Variants in CKAP5 observed in about 807,000 individuals in gnomAD.
CKAP5 encodes the protein cytoskeleton associated protein 5, also known as cytoskeleton-associated protein 5.
A neutral mutation model predicts 232.8 loss-of-function variants in CKAP5; 27 were observed. That is an observed-to-expected ratio of 0.12 (90% CI 0.09 to 0.16). The LOEUF is 0.16. Among genes scored for constraint, CKAP5 ranks in the 10% least tolerant of loss-of-function variants. CKAP5 has a pLI of 1.00. For synonymous variants in CKAP5, 785 were observed against 841.1 expected (o/e 0.93, Z 1.16); for missense variants, 1,838 against 2,424.7 (o/e 0.76, Z 5.08).
chr11:46,845,897 T>C (rs886919292), intron 1 of CKAP5, among the ~76,000 whole-genome samples: 1 of 151,992 alleles, frequency 6.6e-6, no homozygotes, highest in Non-Finnish European at 1.5e-5. Context: ...CGCCCTAGTC[T>C]TGGTAAATCG....
In CKAP5 at chr11:46,751,149, T is replaced by A; in HGVS notation, c.5429A>T (p.Asp1810Val). 6.2e-7 allele frequency: 1 copy of A among 1,614,180 alleles called. No homozygotes were observed. The highest frequency in any genetic ancestry group is 8.5e-7 in the Non-Finnish European group (1 of 1,180,016). The change falls in exon 40 of 44, where the codon GAT becomes GTT. Residue 1810 changes from aspartate to valine, a missense_variant. This residue lies in a region of CKAP5 where 579 missense variants were observed against 843.2 expected (regional missense o/e 0.69). Transcript: ENST00000529230. ...HSMDQTGSKS[D>V]KETEKGASRI... ...AGATGCTCCCTTTTCTGTTTCCTTA[T>A]CAGACTTGCTCCCAGTCTGGTCCAT...
At chr11:46,800,000 CAA>C (rs879669675) in intron 9 of CKAP5, among the ~76,000 whole-genome samples, 1 of 123,938 alleles carries the variant, frequency 8.1e-6, no homozygotes. Flanking sequence ...GACCCTGTCT[CAA>C]AAAAAAAAAA....
chr11:46,839,940 A>G (rs1255946505), intron 1 of CKAP5, among the ~76,000 whole-genome samples: 2 of 152,060 alleles, frequency 1.3e-5, no homozygotes, highest in Non-Finnish European at 2.9e-5. Context: ...GGAGTTTGAG[A>G]CCAGCCTGAG....
At chr11:46,764,811 A>T (rs2065187944) in intron 28 of CKAP5, among the ~76,000 whole-genome samples, 1 of 146,124 alleles carries the variant, frequency 6.8e-6, no homozygotes, top group South Asian at 2.2e-4. Flanking sequence ...TACAGTCACA[A>T]AGTCTGCCTT....
chr11:46,771,053 C>T, intron 24 of CKAP5, 71 bp from the exon 25 acceptor site: 2 of 1,339,434 alleles, frequency 1.5e-6, no homozygotes, highest in Non-Finnish European at 2.1e-6. Flanking sequence ...CTCAGGCTTA[C>T]TGATTTCATT....
At chr11:46,778,755 A>C (rs1274716888) in intron 20 of CKAP5, among the ~76,000 whole-genome samples, 156 bp from the exon 21 acceptor site, 1 of 152,218 alleles carries the variant, frequency 6.6e-6, no homozygotes, top group Non-Finnish European at 1.5e-5. Flanking sequence ...TTTTGAGACC[A>C]TATGTCAAAA....
At chr11:46,748,662 G>A (rs756192290) in intron 42 of CKAP5, among the ~76,000 whole-genome samples, 1 of 151,922 alleles carries the variant, frequency 6.6e-6, no homozygotes, top group African/African-American at 2.4e-5. Flanking sequence ...CCAGCTACTC[G>A]GGAGGCTGAG....
chr11:46,778,570 G>A lies in CKAP5; in HGVS notation c.2463C>T (p.Thr821=), dbSNP rs1456470661. ...TTGTGCTATGCTTGGAAATTCCTCT[G>A]GTTGGAGCAGGTGGACTTTGTCCCT... ...KMQGQSPPAP[T]RGISKHSTSG... is the part of the protein sequence containing the mutation. Residue 821 remains threonine, a synonymous_variant, in exon 21 of 44, where the codon ACC becomes ACT. Transcript: ENST00000529230. 6.2e-7 allele frequency: 1 copy of A among 1,613,978 alleles called. No individual in the cohort carries two copies. Among genetic ancestry groups the A allele is most frequent in the Admixed American group, 1.7e-5 (1 of 60,006 alleles).
intron 1 of CKAP5, among the ~76,000 whole-genome samples, chr11:46,822,639 C>T (rs1318976182): frequency 6.6e-6 from 1 of 150,402 alleles, no homozygotes; most frequent in African/African-American, 2.4e-5. Context: ...CAGTCCCAGC[C>T]ACTCTAGAGG....
intron 2 of CKAP5, among the ~76,000 whole-genome samples, chr11:46,820,453 A>G (rs1389076879): frequency 6.6e-6 from 1 of 152,166 alleles, no homozygotes; most frequent in African/African-American, 2.4e-5. Flanking sequence ...ATTTTTAGTA[A>G]TCAACAACCA....
chr11:46,745,888 G>C (rs2065018711), intron 42 of CKAP5, among the ~76,000 whole-genome samples: 1 of 152,120 alleles, frequency 6.6e-6, no homozygotes, highest in South Asian at 2.1e-4. Context: ...GGAGGCAGAA[G>C]CTGCAGTGAG....
At position 46,744,255 on chromosome 11, in the gene CKAP5, C is replaced by T. The variant is rs1164209175; in HGVS notation, c.5867G>A (p.Arg1956Gln). Residue 1956 changes from arginine (R) to glutamine (Q), a missense_variant, in exon 44 of 44, where the codon CGA (arginine) becomes CAA (glutamine). Arg to Gln is a conservative substitution (Grantham distance 43). Transcript: ENST00000529230. ...GGAGAGCAAAGAGGTCAAAGGAGGTCGGTCATCTTGCTATTGAGAGAAGGA... is the reference window on the plus strand; with the variant it reads ...GGAGAGCAAAGAGGTCAAAGGAGGTTGGTCATCTTGCTATTGAGAGAAGGA... ...CGLDNTKQDD[R>Q]PPLTSLLSKP... is the part of the protein sequence containing the mutation. 6.2e-6 allele frequency: 10 copies of T among 1,613,952 alleles called. No homozygotes were observed. The highest frequency in any genetic ancestry group is 2.2e-5 in the East Asian group (1 of 44,870).
chr11:46,816,963 A>C (rs1939417108), intron 3 of CKAP5, among the ~76,000 whole-genome samples: 1 of 151,910 alleles, frequency 6.6e-6, no homozygotes, highest in East Asian at 1.9e-4. Flanking sequence ...AAAATTACTC[A>C]GGTGTGGTGG....
At chr11:46,817,466 T>C (rs1378063055) in intron 3 of CKAP5, among the ~76,000 whole-genome samples, 2 of 152,140 alleles carry the variant, frequency 1.3e-5, no homozygotes, top group Non-Finnish European at 2.9e-5. Context: ...TCAGAAGAAC[T>C]GAGTGGGTTG....
intron 1 of CKAP5, among the ~76,000 whole-genome samples, chr11:46,843,886 C>G (rs867823984): frequency 1.3e-5 from 2 of 152,036 alleles, no homozygotes; most frequent in African/African-American, 4.8e-5. Context: ...ATTGCAAAAA[C>G]AAAACCTGTT....
chr11:46,837,327 C>T (rs1939939827), intron 1 of CKAP5, among the ~76,000 whole-genome samples: 2 of 151,966 alleles, frequency 1.3e-5, no homozygotes, highest in East Asian at 1.9e-4. Context: ...TCATGTTTTT[C>T]CCCCCCGCCC....
chr11:46,820,306 T>C (rs547721761), intron 2 of CKAP5, among the ~76,000 whole-genome samples: 1 of 152,296 alleles, frequency 6.6e-6, no homozygotes, highest in South Asian at 2.1e-4. Flanking sequence ...TGATACAGTA[T>C]TCGGCCTTGG....
chr11:46,763,531 A>G lies in CKAP5; in HGVS notation c.3637T>C (p.Phe1213Leu), dbSNP rs756719375. 1 of 1,604,926 alleles carries G rather than the reference A, an allele frequency of 6.2e-7. No homozygotes were observed. ...CVAKWLQDEM[F>L]HSDFQHHNKA... is the part of the protein sequence containing the mutation. ...TTATGATGCTGAAAGTCTGAGTGAA[A>G]CATCTCATCTTGTAACCATTTAGCC... The change falls in exon 29 of 44, where the codon TTT becomes CTT. Residue 1213 changes from phenylalanine (F) to leucine (L), a missense_variant. This residue lies in a region of CKAP5 where 767 missense variants were observed against 954.6 expected (regional missense o/e 0.80). Coordinates refer to ENST00000529230, the MANE Select transcript of CKAP5 (RefSeq NM_001008938.4).
chr11:46,787,557 T>A (rs2065406420), intron 16 of CKAP5, among the ~76,000 whole-genome samples: 1 of 152,088 alleles, frequency 6.6e-6, no homozygotes, highest in South Asian at 2.1e-4. Context: ...GCTATACAAT[T>A]GATTATGTGG....
Sources: gnomAD v4.1 joint callset for allele counts (sites outside exome capture counted in the v4.1 genomes callset) on GRCh38, gnomAD v4.1.1 for gene constraint, gnomAD v4.1.1 regional missense constraint, MANE v1.5 for transcripts, NCBI Gene and HGNC (gene_info 2026-07-23, HGNC 2026-07-21) for gene names.